Variants in PCOLCE observed in about 807,000 individuals in gnomAD.
PCOLCE encodes procollagen C-endopeptidase enhancer.
PCOLCE carries 33 observed loss-of-function variants against 47.2 expected under a neutral mutation model. The observed-to-expected ratio is 0.70, with a 90% CI of 0.53 to 0.93. The LOEUF is 0.93. Among genes scored for constraint, PCOLCE ranks in the 40% least tolerant of loss-of-function variants. The probability of loss-of-function intolerance (pLI) is 0.00; values close to 1 mark genes in which losing one functional copy is unlikely to be tolerated. For synonymous variants in PCOLCE, 254 were observed against 252.5 expected, an observed-to-expected ratio of 1.01 and a Z score of -0.06; for missense variants, 584 against 585.3, an observed-to-expected ratio of 1.00 and a Z score of 0.02.
intron 5 of PCOLCE, 38 bp from the exon 6 acceptor site, chr7:100,606,378 C>A (rs1172516983): frequency 6.7e-7 from 1 of 1,500,952 alleles, no homozygotes. Flanking sequence ...TGCACGCCCG[C>A]CCTGACACTT....
intron 6 of PCOLCE, 142 bp downstream of exon 6, chr7:100,606,772 C>T (rs1355944079): frequency 6.3e-6 from 4 of 632,506 alleles, no homozygotes; most frequent in African/African-American, 5.5e-5. Context: ...TAGGAGTTTA[C>T]CATAGCAAGA....
In PCOLCE at chr7:100,603,521, T is replaced by C. The variant is rs1380683039; in HGVS notation, c.187T>C (p.Cys63Arg). 1 of 1,585,108 alleles carries C rather than the reference T, an allele frequency of 6.3e-7. No homozygotes were observed. Among genetic ancestry groups the C allele is most frequent in the Non-Finnish European group, 8.6e-7 (1 of 1,159,722 alleles). Residue 63 changes from cysteine (C) to arginine (R), a missense_variant, in exon 2 of 9, where the codon TGC becomes CGC. Coordinates refer to ENST00000223061, the MANE Select transcript of PCOLCE (RefSeq NM_002593.4). The part of the protein sequence containing the change: ...FPNLYPPNKE[C>R]IWTITVPEGQ... ...CAACCTCTACCCCCCTAATAAGGAG[T>C]GCATCTGGACCATAACGGTGAGAAA... is the stretch of plus-strand genomic sequence containing the variant.
In PCOLCE at chr7:100,602,508, G is replaced by C; in HGVS notation, c.52G>C (p.Ala18Pro). 6.2e-7 allele frequency: 1 copy of C among 1,613,028 alleles called. No individual in the cohort carries two copies. Among genetic ancestry groups the C allele is most frequent in the South Asian group, 1.1e-5 (1 of 91,072 alleles). Residue 18 changes from alanine to proline, a missense_variant, in exon 1 of 9, where the codon GCC becomes CCC. Coordinates refer to ENST00000223061, the MANE Select transcript of PCOLCE (RefSeq NM_002593.4). ...SLLGPLLTAC[A>P]LLPFAQGQTP... Reference sequence around the variant, plus strand: ...CCTGGGGCCCCTCCTCACTGCCTGCGCCCTGCTGCCTTTTGCCCAGGGCCA... The same window carrying C: ...CCTGGGGCCCCTCCTCACTGCCTGCCCCCTGCTGCCTTTTGCCCAGGGCCA...
chr7:100,607,727 G>A lies in PCOLCE; in HGVS notation c.1103G>A (p.Gly368Glu), dbSNP rs1230863655. 31 of 1,613,750 alleles carry A rather than the reference G, an allele frequency of 1.9e-5. No homozygotes were observed. The East Asian group carries it at 6.7e-4, about 35-fold the overall frequency. Residue 368 changes from glycine (G) to glutamate (E), a missense_variant, in exon 8 of 9, where the codon GGA becomes GAA. Gly to Glu is a moderately conservative substitution (Grantham distance 98). Transcript: ENST00000223061. ...VSLIGAYKTGGLDLPSPPTGA... is the reference protein window; with the variant it reads ...VSLIGAYKTGELDLPSPPTGA... ...CTTATTGGTGCTTATAAAACTGGAG[G>A]ACTGGACCTGCCTTCTCCACCCACT...
Position 100,605,675 on chromosome 7 carries a change from G to A in PCOLCE, c.589-1G>A, listed in dbSNP as rs1177894279. On this transcript the variant is annotated splice_acceptor_variant, in intron 4 of 8. Coordinates refer to ENST00000223061, the MANE Select transcript of PCOLCE (RefSeq NM_002593.4). LOFTEE classifies it high-confidence loss of function. The surrounding 1 kb of genome is among the most constrained non-coding windows in gnomAD (Gnocchi z 6.1). ...CAGTCCCCGCCTCCGCCCGCCGCCA[G>A]GTCATCGCGCTGACCTTCGAGAAGT... 6.3e-7 allele frequency: 1 copy of A among 1,579,982 alleles called. No homozygotes were observed. The highest frequency in any genetic ancestry group is 1.2e-5 in the South Asian group (1 of 86,436).
intron 1 of PCOLCE, chr7:100,602,976 CGGA>C: frequency 4.6e-6 from 1 of 215,090 alleles, no homozygotes; most frequent in South Asian, 1.0e-4. Flanking sequence ...GTGGAGCTCG[CGGA>C]GCCTGGCCTC....
At chr7:100,603,338 G>T (rs865990725) in intron 1 of PCOLCE, 92 bp from the exon 2 acceptor site, 11 of 666,690 alleles carry the variant, frequency 1.6e-5, no homozygotes, top group Non-Finnish European at 2.9e-5. Context: ...TCCCTCCTTG[G>T]AGTTTCATCC....
Position 100,605,835 on chromosome 7 carries a change from G to C in PCOLCE, c.725+23G>C, listed in dbSNP as rs1349178531. The C allele has an allele frequency of 6.5e-7, 1 of 1,546,566 alleles. No individual in the cohort carries two copies. Among genetic ancestry groups the C allele is most frequent in the Non-Finnish European group, 8.7e-7 (1 of 1,144,030 alleles). ...GGGGTGAGGGGCGGGACCTGGGCGAGTCCGGGAGAGAGTCGGCGGACCGCA... is the reference window on the plus strand; with the variant it reads ...GGGGTGAGGGGCGGGACCTGGGCGACTCCGGGAGAGAGTCGGCGGACCGCA... On this transcript the variant is annotated intron_variant, in intron 5 of 8. Transcript: ENST00000223061. The surrounding 1 kb of genome is among the most constrained non-coding windows in gnomAD (Gnocchi z 6.1).
In PCOLCE at chr7:100,605,048, GTC is replaced by G; in HGVS notation, c.464-40_464-39del. The G allele has an allele frequency of 6.6e-7, 1 of 1,505,870 alleles. No individual in the cohort carries two copies. The allele number at this position is 1,505,870 out of a possible 1,614,324, so 93.3% of individuals were successfully genotyped here. Reference sequence around the variant, plus strand: ...AGAGTTCTCCTGAAGCTGACCGAGGGTCTCCACCGCCCCCCACCCCCGCTCCT... The same window carrying G: ...AGAGTTCTCCTGAAGCTGACCGAGGGTCCACCGCCCCCCACCCCCGCTCCT... On this transcript the variant is annotated intron_variant, in intron 3 of 8. Coordinates refer to ENST00000223061, the MANE Select transcript of PCOLCE (RefSeq NM_002593.4). This position sits in a 1 kb window ranked among gnomAD's most constrained non-coding sequence, Gnocchi z 6.1.
Position 100,604,271 on chromosome 7 carries a change from A to G in PCOLCE, c.463+54A>G. On this transcript the variant is annotated intron_variant, in intron 3 of 8. Transcript: ENST00000223061. This position sits in a 1 kb window ranked among gnomAD's most constrained non-coding sequence, Gnocchi z 6.4. ...CCCCTCCAGGCCCCGCCCCGGCCGC[A>G]GCCCCGCCCCCAGCCCTAACCTCCG... is the stretch of plus-strand genomic sequence containing the variant. The G allele has an allele frequency of 7.4e-7, 1 of 1,359,658 alleles. No homozygotes were observed. The highest frequency in any genetic ancestry group is 9.7e-7 in the Non-Finnish European group (1 of 1,036,226). 84.2% of individuals were successfully genotyped at this position (1,359,658 alleles called of 1,614,324 possible).
rs369116230 is a variant in PCOLCE at position 100,607,557 on chromosome 7, G to A, written c.1012+34G>A. 3.4e-5 allele frequency: 55 copies of A among 1,611,324 alleles called. No individual in the cohort carries two copies. The African/African-American group carries it at 4.1e-4, about 12-fold the overall frequency. Reference sequence around the variant, plus strand: ...ACCCCCAACCCCATTCCAGCTCCTCGAACCACCTCCTGCTTCTGTTTCCAG... The same window carrying A: ...ACCCCCAACCCCATTCCAGCTCCTCAAACCACCTCCTGCTTCTGTTTCCAG... On this transcript the variant is annotated intron_variant, in intron 7 of 8. Coordinates refer to ENST00000223061, the MANE Select transcript of PCOLCE (RefSeq NM_002593.4).
chr7:100,607,356 C>G (rs1156885679), intron 6 of PCOLCE, 96 bp from the exon 7 acceptor site: 5 of 971,956 alleles, frequency 5.1e-6, no homozygotes, highest in East Asian at 2.4e-5. Context: ...GGAAGCCTGA[C>G]AGAGCTCTGA....
In PCOLCE at chr7:100,604,741, T is replaced by C. The variant is rs1802680718; in HGVS notation, c.464-350T>C. The C allele has an allele frequency of 3.0e-6, 1 of 334,408 alleles. No individual in the cohort carries two copies. The highest frequency in any genetic ancestry group is 5.6e-6 in the Non-Finnish European group (1 of 177,926). The allele number at this position is 334,408 out of a possible 1,614,324, so 20.7% of individuals were successfully genotyped here. ...TGTGCCCCAAGTCGAGGACACCCTC[T>C]CCAGCCTGAAAGGGGACTCTGCTGC... On this transcript the variant is annotated intron_variant, in intron 3 of 8. Coordinates refer to ENST00000223061, the MANE Select transcript of PCOLCE (RefSeq NM_002593.4). The surrounding 1 kb of genome is among the most constrained non-coding windows in gnomAD (Gnocchi z 6.4).
chr7:100,603,713 A>T (rs1385998685), intron 2 of PCOLCE, 175 bp downstream of exon 2: 11 of 609,250 alleles, frequency 1.8e-5, no homozygotes, highest in Non-Finnish European at 3.2e-5. Context: ...CATCATCTTA[A>T]CCCTTCCCTC....
Position 100,608,137 on chromosome 7 carries a change from CCTT to C in PCOLCE, c.*38_*40del. 1.9e-6 allele frequency: 3 copies of C among 1,582,908 alleles called. No homozygotes were observed. The highest frequency in any genetic ancestry group is 1.7e-6 in the Non-Finnish European group (2 of 1,159,156). ...CCAGCCCCGGCCCCTAGCCCTCAGGCCTTCTTTCTTATCCAAATAAATGTTTCT... is the reference window on the plus strand; with the variant it reads ...CCAGCCCCGGCCCCTAGCCCTCAGGCCTTTCTTATCCAAATAAATGTTTCT... On this transcript the variant is annotated 3_prime_UTR_variant, in exon 9 of 9. Transcript: ENST00000223061.
At position 100,607,701 on chromosome 7, in the gene PCOLCE, T is replaced by C. The variant is rs757816137; in HGVS notation, c.1077T>C (p.Ser359=). The C allele has an allele frequency of 5.0e-6, 8 of 1,613,792 alleles. No homozygotes were observed. The East Asian group carries it at 1.8e-4, about 36-fold the overall frequency. ...EPGEGLAVTV[S]LIGAYKTGGL... ...GGGAGGGCCTTGCCGTGACTGTCAG[T>C]CTTATTGGTGCTTATAAAACTGGAG... The change falls in exon 8 of 9, where the codon AGT becomes AGC. Residue 359 remains serine, a synonymous_variant. Transcript: ENST00000223061.
intron 1 of PCOLCE, chr7:100,602,888 T>TA (rs2131286272): frequency 2.6e-6 from 1 of 380,258 alleles, no homozygotes; most frequent in Admixed American, 4.5e-5. Flanking sequence ...AGAGGGATTG[T>TA]AGGGGGAGGA....
At chr7:100,607,054 G>A (rs1802728441) in intron 6 of PCOLCE, among the ~76,000 whole-genome samples, 1 of 145,046 alleles carries the variant, frequency 6.9e-6, no homozygotes, top group African/African-American at 2.5e-5. Flanking sequence ...TTGTGCCACT[G>A]CACTCCAACT....
Position 100,605,932 on chromosome 7 carries a change from C to A in PCOLCE, c.725+120C>A. 1.7e-6 allele frequency: 2 copies of A among 1,172,090 alleles called. No individual in the cohort carries two copies. Among genetic ancestry groups the A allele is most frequent in the Non-Finnish European group, 2.4e-6 (2 of 843,850 alleles). 72.6% of individuals were successfully genotyped at this position (1,172,090 alleles called of 1,614,324 possible). A position where few individuals can be genotyped will look rare whatever the true frequency, so the allele number is the denominator to read the frequency against. On this transcript the variant is annotated intron_variant, in intron 5 of 8. Transcript: ENST00000223061. The surrounding 1 kb of genome is among the most constrained non-coding windows in gnomAD (Gnocchi z 6.1). ...TCTGAACCCCAGGGCTCCAAACCGGCGAGGGGAGCAGGTTGGAGGCCAGGC... is the reference window on the plus strand; with the variant it reads ...TCTGAACCCCAGGGCTCCAAACCGGAGAGGGGAGCAGGTTGGAGGCCAGGC...
Sources: allele counts gnomAD v4.1 joint callset (sites outside exome capture counted in the v4.1 genomes callset), GRCh38; gene constraint gnomAD v4.1.1; non-coding constraint Gnocchi (gnomAD v3.1); transcripts MANE v1.5; gene names NCBI Gene and HGNC (gene_info 2026-07-23, HGNC 2026-07-21).